Variants in SIPA1L1 observed in about 807,000 individuals in gnomAD.
The protein encoded by SIPA1L1 is signal induced proliferation associated 1 like 1, also known as signal-induced proliferation-associated 1-like protein 1.
In SIPA1L1, 26 loss-of-function variants were observed where a neutral mutation model predicts 162.7. The observed-to-expected ratio is 0.16, with a 90% CI of 0.12 to 0.22. The LOEUF is 0.22. SIPA1L1 is among the 10% of genes least tolerant of loss of function. The pLI, the probability that SIPA1L1 is intolerant of heterozygous loss-of-function variation, is 1.00. For missense variants in SIPA1L1, 1,874 were observed against 2,241.0 expected (o/e 0.84, Z 3.31); for synonymous variants, 829 against 837.4 (o/e 0.99, Z 0.17).
chr14:71,453,949 G>A (rs1268492299), intron 2 of SIPA1L1, among the ~76,000 whole-genome samples: 1 of 137,526 alleles, frequency 7.3e-6, no homozygotes, highest in Non-Finnish European at 1.5e-5. Flanking sequence ...AACTGAGATC[G>A]TGCGACTGCA....
At position 71,740,731 on chromosome 14, in the gene SIPA1L1, C is replaced by T. The variant is rs191574889; in HGVS notation, c.*1570C>T. 4 of 152,002 alleles carry T rather than the reference C, an allele frequency of 2.6e-5. No individual in the cohort carries two copies. Among genetic ancestry groups the T allele is most frequent in the Admixed American group, 2.0e-4 (3 of 15,274 alleles). 9.4% of individuals were successfully genotyped at this position (152,002 alleles called of 1,614,324 possible). A position where few individuals can be genotyped will look rare whatever the true frequency, so the allele number is the denominator to read the frequency against. ...GAATTTTTTTTTTCTGGTGACATTT[C>T]TATCATGGAAATAGGAAGATTTCGG... On this transcript the variant is annotated 3_prime_UTR_variant, in exon 24 of 24. Transcript: ENST00000381232.
intron 5 of SIPA1L1, among the ~76,000 whole-genome samples, chr14:71,597,010 C>T (rs1053715131): frequency 2.0e-5 from 3 of 152,120 alleles, no homozygotes; most frequent in African/African-American, 7.2e-5. Flanking sequence ...CTTCCACTGT[C>T]ACAGGCTGGA....
In SIPA1L1 at chr14:71,330,789, C is replaced by T. The variant is rs149612003; in HGVS notation, c.-465+9608C>T. On this transcript the variant is annotated intron_variant, in intron 2 of 23. Transcript: ENST00000381232. The stretch of plus-strand genomic sequence containing the variant: ...GCAAGGCCCAGTGGGCTGTCCCTGA[C>T]GACCTCAGGCTTCACTCCATATTCT... 2.9e-4 allele frequency: 212 copies of T among 720,846 alleles called. No individual in the cohort carries two copies. In the African/African-American group the frequency reaches 3.2e-3, roughly 11 times the overall value. The allele number at this position is 720,846 out of a possible 1,614,324, so 44.7% of individuals were successfully genotyped here. A position where few individuals can be genotyped will look rare whatever the true frequency, so the allele number is the denominator to read the frequency against.
At chr14:71,431,780 A>AG (rs1341359184) in intron 2 of SIPA1L1, among the ~76,000 whole-genome samples, 1 of 152,210 alleles carries the variant, frequency 6.6e-6, no homozygotes, top group Non-Finnish European at 1.5e-5. Flanking sequence ...ATAAGGGCCA[A>AG]GGGAGGGCTC....
At chr14:71,551,620 G>A (rs983321262) in intron 4 of SIPA1L1, among the ~76,000 whole-genome samples, 22 of 152,176 alleles carry the variant, frequency 1.4e-4, no homozygotes, top group East Asian at 9.6e-4. Flanking sequence ...CTTGAGCTGC[G>A]TTATGTCATG....
intron 14 of SIPA1L1, among the ~76,000 whole-genome samples, chr14:71,701,301 G>T (rs1347735739): frequency 6.6e-6 from 1 of 151,808 alleles, no homozygotes; most frequent in Non-Finnish European, 1.5e-5. Context: ...ACAAGCATCA[G>T]TTCATCCAGG....
chr14:71,364,958 G>A lies in SIPA1L1; in HGVS notation c.-465+43777G>A, dbSNP rs144006684. Among the ~76,000 whole-genome samples, 5 of 152,060 alleles carry A rather than the reference G, an allele frequency of 3.3e-5. No individual in the cohort carries two copies. In the East Asian group the frequency reaches 9.6e-4, roughly 29 times the overall value. On this transcript the variant is annotated intron_variant, in intron 2 of 23. Coordinates refer to ENST00000381232, the MANE Select transcript of SIPA1L1 (RefSeq NM_001386936.1). Reference sequence around the variant, plus strand: ...GATGGGTTTCACCCATGTTGGCCAGGCTGGTCTCGAATTCCTGGCTTCAAG... The same window carrying A: ...GATGGGTTTCACCCATGTTGGCCAGACTGGTCTCGAATTCCTGGCTTCAAG...
intron 12 of SIPA1L1, 30 bp downstream of exon 12, chr14:71,672,652 A>C (rs1377484510): frequency 6.2e-7 from 1 of 1,604,794 alleles, no homozygotes; most frequent in East Asian, 2.2e-5. Context: ...TGTGGGCCTG[A>C]GACTCGAGTG....
At chr14:71,710,593 A>G (rs1315312813) in intron 17 of SIPA1L1, among the ~76,000 whole-genome samples, 1 of 152,134 alleles carries the variant, frequency 6.6e-6, no homozygotes, top group Non-Finnish European at 1.5e-5. Context: ...AGATCACTTG[A>G]GGTCAGGAGT....
intron 5 of SIPA1L1, among the ~76,000 whole-genome samples, chr14:71,606,674 C>T (rs1318674777): frequency 6.6e-6 from 1 of 152,028 alleles, no homozygotes; most frequent in Non-Finnish European, 1.5e-5. Context: ...GGAAATGTGG[C>T]TCGTGGGGGA....
At chr14:71,490,789 A>G (rs1437478127) in intron 2 of SIPA1L1, among the ~76,000 whole-genome samples, 1 of 152,246 alleles carries the variant, frequency 6.6e-6, no homozygotes, top group Non-Finnish European at 1.5e-5. Context: ...TGCTTACAAT[A>G]GTTATTTTTT....
At chr14:71,628,138 A>T (rs1046237708) in intron 7 of SIPA1L1, among the ~76,000 whole-genome samples, 7 of 152,340 alleles carry the variant, frequency 4.6e-5, no homozygotes, top group East Asian at 3.9e-4. Context: ...TAAATAATTT[A>T]AAAAACTACA....
chr14:71,739,447 AT>A lies in SIPA1L1; in HGVS notation c.*287del. ...TTTTTGCACAATATCTTTATCTGTT[AT>A]GTATTTAAGAAGAAACTGGGCCTTG... On this transcript the variant is annotated 3_prime_UTR_variant, in exon 24 of 24. Coordinates refer to ENST00000381232, the MANE Select transcript of SIPA1L1 (RefSeq NM_001386936.1). The A allele has an allele frequency of 5.1e-6, 1 of 194,826 alleles. No homozygotes were observed. Among genetic ancestry groups the A allele is most frequent in the Non-Finnish European group, 1.0e-5 (1 of 96,510 alleles). The allele number at this position is 194,826 out of a possible 1,614,324, so 12.1% of individuals were successfully genotyped here.
intron 13 of SIPA1L1, among the ~76,000 whole-genome samples, chr14:71,687,477 G>T (rs1275679427): frequency 1.3e-5 from 2 of 152,170 alleles, no homozygotes; most frequent in Admixed American, 6.5e-5. Context: ...AGAACAATCA[G>T]CAGGCTTTCA....
chr14:71,471,400 C>T (rs1158441425), intron 2 of SIPA1L1, among the ~76,000 whole-genome samples: 1 of 152,150 alleles, frequency 6.6e-6, no homozygotes, highest in Non-Finnish European at 1.5e-5. Flanking sequence ...ACCCAAGAGG[C>T]GGAGATTGCA....
intron 2 of SIPA1L1, among the ~76,000 whole-genome samples, chr14:71,330,132 C>T (rs1234136035): frequency 6.6e-6 from 1 of 152,198 alleles, no homozygotes; most frequent in Non-Finnish European, 1.5e-5. Flanking sequence ...GCCTAGATAT[C>T]ATCATCCTTC....
chr14:71,500,929 C>T (rs2050158057), intron 2 of SIPA1L1, among the ~76,000 whole-genome samples: 1 of 152,188 alleles, frequency 6.6e-6, no homozygotes, highest in African/African-American at 2.4e-5. Context: ...TTGCTTAAAC[C>T]CGGGAGGCAG....
At chr14:71,673,223 C>G (rs974102305) in intron 12 of SIPA1L1, among the ~76,000 whole-genome samples, 11 of 152,228 alleles carry the variant, frequency 7.2e-5, no homozygotes, top group Admixed American at 1.3e-4. Context: ...CCCAACCCCC[C>G]ACAGCTCCTG....
At chr14:71,506,345 A>G (rs953588238) in intron 2 of SIPA1L1, among the ~76,000 whole-genome samples, 7 of 151,910 alleles carry the variant, frequency 4.6e-5, no homozygotes, top group African/African-American at 1.2e-4. Flanking sequence ...AAATACATAT[A>G]TATATATTTT....
Sources: allele counts gnomAD v4.1 joint callset (sites outside exome capture counted in the v4.1 genomes callset), GRCh38; gene constraint gnomAD v4.1.1; transcripts MANE v1.5; gene names NCBI Gene and HGNC (gene_info 2026-07-23, HGNC 2026-07-21).